The following SLCO4C1 variants were observed in gnomAD, a reference collection of about 807,000 sequenced individuals.
SLCO4C1 encodes the protein organic anion transporter M1.
SLCO4C1 carries 58 observed loss-of-function variants against 72.1 expected under a neutral mutation model. That is an observed-to-expected ratio of 0.80 (90% CI 0.65 to 1.00). SLCO4C1 has a LOEUF of 1.00. Ranked by LOEUF, SLCO4C1 falls within the 50% of genes least tolerant of loss-of-function variation. SLCO4C1 has a pLI of 0.00. For synonymous variants in SLCO4C1, 297 were observed against 312.5 expected (o/e 0.95, Z 0.52); for missense variants, 898 against 857.9 (o/e 1.05, Z -0.58).
At chr5:102,258,901 T>C (rs898078681) in intron 6 of SLCO4C1, among the ~76,000 whole-genome samples, 2 of 151,812 alleles carry the variant, frequency 1.3e-5, no homozygotes, top group Non-Finnish European at 2.9e-5. Flanking sequence ...AATAGCAATA[T>C]TTTAAAAAAT....
chr5:102,245,171 T>C (rs1748613993), intron 10 of SLCO4C1, among the ~76,000 whole-genome samples: 1 of 152,060 alleles, frequency 6.6e-6, no homozygotes, highest in South Asian at 2.1e-4. Flanking sequence ...GAGTTTTTAT[T>C]AGTTTTCTTT....
At chr5:102,244,797 A>G (rs138598315) in intron 10 of SLCO4C1, among the ~76,000 whole-genome samples, 1 of 152,322 alleles carries the variant, frequency 6.6e-6, no homozygotes, top group East Asian at 1.9e-4. Flanking sequence ...TCTGGTTAAA[A>G]TATCCTTCAA....
At chr5:102,243,933 C>A (rs2112338336) in intron 10 of SLCO4C1, among the ~76,000 whole-genome samples, 1 of 152,296 alleles carries the variant, frequency 6.6e-6, no homozygotes, top group South Asian at 2.1e-4. Flanking sequence ...ACCTGCAATT[C>A]CCAGCACTTT....
At chr5:102,261,125 T>C (rs1748934663) in intron 5 of SLCO4C1, among the ~76,000 whole-genome samples, 1 of 152,184 alleles carries the variant, frequency 6.6e-6, no homozygotes, top group South Asian at 2.1e-4. Context: ...GAATGTTTAG[T>C]ATTCAAGCCG....
chr5:102,237,130 C>T (rs1030672147), intron 12 of SLCO4C1, 112 bp from the exon 13 acceptor site: 35 of 1,082,370 alleles, frequency 3.2e-5, no homozygotes, highest in Non-Finnish European at 3.4e-5. Flanking sequence ...ATTACATAAC[C>T]ATTATAGTTC....
chr5:102,261,173 G>A (rs1748935455), intron 5 of SLCO4C1, among the ~76,000 whole-genome samples: 1 of 152,142 alleles, frequency 6.6e-6, no homozygotes, highest in South Asian at 2.1e-4. Context: ...AGCACTTTGA[G>A]AGGCTGAGGC....
intron 3 of SLCO4C1, among the ~76,000 whole-genome samples, chr5:102,264,249 C>G (rs1217586992): frequency 6.6e-6 from 1 of 152,022 alleles, no homozygotes; most frequent in Non-Finnish European, 1.5e-5. Flanking sequence ...AAAAGTAAGC[C>G]ATTAGATTTC....
At chr5:102,249,332 C>T (rs1051944516) in intron 9 of SLCO4C1, among the ~76,000 whole-genome samples, 3 of 152,086 alleles carry the variant, frequency 2.0e-5, no homozygotes, top group African/African-American at 4.8e-5. Context: ...TGCAGGGGTC[C>T]GGGAACCCAT....
chr5:102,295,408 T>A (rs1290172988), intron 1 of SLCO4C1, among the ~76,000 whole-genome samples: 5 of 152,346 alleles, frequency 3.3e-5, no homozygotes, highest in African/African-American at 1.2e-4. Context: ...CATGAATGTC[T>A]GTATCTAATT....
At chr5:102,289,663 C>T (rs548512939) in intron 2 of SLCO4C1, among the ~76,000 whole-genome samples, 1 of 152,320 alleles carries the variant, frequency 6.6e-6, no homozygotes, top group South Asian at 2.1e-4. Flanking sequence ...GTGGCTTGTT[C>T]CTAAAACTAT....
chr5:102,285,225 AC>A (rs1749428520), intron 2 of SLCO4C1, among the ~76,000 whole-genome samples: 5 of 151,712 alleles, frequency 3.3e-5, no homozygotes, highest in African/African-American at 1.2e-4. Flanking sequence ...ACACACACAC[AC>A]ACACACACAC....
rs143134834 is a variant in SLCO4C1 at position 102,257,121 on chromosome 5, T to C, written c.1463A>G (p.Tyr488Cys). ...AGCACTGAATTGTATTTACCCATTA[T>C]ATGATTCAGATACACCAGCAAATGG... ...NEPFAGVSES[Y>C]NGTGELGNLI... Residue 488 changes from tyrosine (Y) to cysteine (C), a missense_variant, in exon 8 of 13, where the codon TAT becomes TGT. Coordinates refer to ENST00000310954, the MANE Select transcript of SLCO4C1 (RefSeq NM_180991.5). 8 of 1,576,126 alleles carry C rather than the reference T, an allele frequency of 5.1e-6. No homozygotes were observed. The highest frequency in any genetic ancestry group is 6.9e-6 in the Non-Finnish European group (8 of 1,164,804).
intron 10 of SLCO4C1, among the ~76,000 whole-genome samples, chr5:102,242,010 T>C (rs1012385181): frequency 2.6e-5 from 4 of 152,040 alleles, no homozygotes; most frequent in Admixed American, 1.3e-4. Context: ...AGTGGCAGTG[T>C]AATACAGAGA....
intron 2 of SLCO4C1, among the ~76,000 whole-genome samples, chr5:102,278,580 C>G (rs1005900168): frequency 6.6e-6 from 1 of 152,120 alleles, no homozygotes; most frequent in East Asian, 1.9e-4. Flanking sequence ...CAGATCACAT[C>G]CTGCGCCATA....
At chr5:102,267,896 A>T (rs560556190) in intron 3 of SLCO4C1, among the ~76,000 whole-genome samples, 14 of 152,094 alleles carry the variant, frequency 9.2e-5, no homozygotes, top group African/African-American at 3.1e-4. Context: ...CTATTTGTAT[A>T]GTTCCAGAAG....
chr5:102,235,752 T>A lies in SLCO4C1; in HGVS notation c.*1106A>T, dbSNP rs7718818. 3 of 152,016 alleles carry A rather than the reference T, an allele frequency of 2.0e-5. No homozygotes were observed. Among genetic ancestry groups the A allele is most frequent in the Non-Finnish European group, 2.9e-5 (2 of 68,008 alleles). The allele number at this position is 152,016 out of a possible 1,614,324, so 9.4% of individuals were successfully genotyped here. On this transcript the variant is annotated 3_prime_UTR_variant, in exon 13 of 13. Transcript: ENST00000310954. ...AGGGATCTAGGTTGCACTCTCCTTA[T>A]GAGAATCTAACTAATGCCTGATGGT... is the stretch of plus-strand genomic sequence containing the variant.
chr5:102,269,794 T>C (rs1055215683), intron 3 of SLCO4C1, among the ~76,000 whole-genome samples: 8 of 152,294 alleles, frequency 5.3e-5, no homozygotes, highest in African/African-American at 1.9e-4. Context: ...ACTATATTGA[T>C]ACCTGCACAG....
In SLCO4C1 at chr5:102,236,963, A is replaced by G. The variant is rs577529854; in HGVS notation, c.2070T>C (p.Tyr690=). Residue 690 remains tyrosine, a synonymous_variant, in exon 13 of 13, where the codon TAT becomes TAC. Transcript: ENST00000310954. ...MFFNGFAIFL[Y]KPPPSATDVS... Reference sequence around the variant, plus strand: ...CATCTGTGGCTGATGGAGGTGGTTTATACAAAAAGATTGCAAATCCATTGA... The same window carrying G: ...CATCTGTGGCTGATGGAGGTGGTTTGTACAAAAAGATTGCAAATCCATTGA... The G allele has an allele frequency of 1.2e-5, 20 of 1,612,304 alleles. No homozygotes were observed. In the African/African-American group the frequency reaches 2.7e-4, roughly 21 times the overall value.
At chr5:102,293,640 C>T (rs550184415) in intron 1 of SLCO4C1, among the ~76,000 whole-genome samples, 1 of 152,270 alleles carries the variant, frequency 6.6e-6, no homozygotes, top group African/African-American at 2.4e-5. Context: ...TGGAAATGAT[C>T]TTAAGGATCA....
Sources: allele counts gnomAD v4.1 joint callset (sites outside exome capture counted in the v4.1 genomes callset), GRCh38; gene constraint gnomAD v4.1.1; transcripts MANE v1.5; gene names NCBI Gene and HGNC (gene_info 2026-07-23, HGNC 2026-07-21).